NBAS: variants seen among roughly 807,000 people sequenced by gnomAD.
The protein encoded by NBAS is NAG/BC035112 fusion.
A neutral mutation model predicts 302.5 loss-of-function variants in NBAS; 219 were observed. The observed-to-expected ratio is 0.72, with a 90% confidence interval of 0.65 to 0.81. The LOEUF is 0.81. NBAS is among the 30% of genes least tolerant of loss of function. The probability of loss-of-function intolerance (pLI) is 0.00; values close to 1 mark genes in which losing one functional copy is unlikely to be tolerated. For synonymous variants in NBAS, 1,118 were observed against 1,021.6 expected (o/e 1.09, Z -1.80); for missense variants, 2,932 against 2,841.6 (o/e 1.03, Z -0.72).
At chr2:15,151,415 A>G in the NBAS span, among the ~76,000 whole-genome samples, 1 of 152,224 alleles carries the variant, frequency 6.6e-6, no homozygotes, top group Non-Finnish European at 1.5e-5. Flanking sequence ...CTTGGCATCA[A>G]TGTAAATGAA....
chr2:15,072,748 T>G, the NBAS span, among the ~76,000 whole-genome samples: 2 of 152,172 alleles, frequency 1.3e-5, no homozygotes, highest in Non-Finnish European at 2.9e-5. Context: ...ATAAGTATAT[T>G]TTCCCATTTT....
downstream of NBAS, chr2:15,166,874 A>G: frequency 1.2e-6 from 1 of 800,716 alleles, no homozygotes. Flanking sequence ...ACCACTCAGT[A>G]CAAGAAAGAA....
At chr2:15,012,772 A>ACTGT in the NBAS span, among the ~76,000 whole-genome samples, 35 of 152,206 alleles carry the variant, frequency 2.3e-4, no homozygotes, top group African/African-American at 8.0e-4. Flanking sequence ...GAAAAAGAAA[A>ACTGT]CTGTCAACCA....
intron 21 of NBAS, among the ~76,000 whole-genome samples, chr2:15,454,338 T>C (rs984704311): frequency 2.6e-5 from 4 of 152,052 alleles, no homozygotes; most frequent in African/African-American, 9.7e-5. Context: ...ATATTAAAAG[T>C]AATGAAGTCT....
chr2:15,123,551 T>A, the NBAS span, among the ~76,000 whole-genome samples: 1 of 152,122 alleles, frequency 6.6e-6, no homozygotes, highest in Non-Finnish European at 1.5e-5. Flanking sequence ...TGGGGGCAGA[T>A]CCCTCATGAA....
At chr2:14,831,712 C>T in the NBAS span, among the ~76,000 whole-genome samples, 2 of 152,140 alleles carry the variant, frequency 1.3e-5, no homozygotes, top group Admixed American at 6.6e-5. Context: ...CTCTACTACC[C>T]GCCAATAGTA....
At chr2:15,377,566 C>T (rs539775609) in intron 30 of NBAS, among the ~76,000 whole-genome samples, 32 of 152,312 alleles carry the variant, frequency 2.1e-4, no homozygotes, top group African/African-American at 7.7e-4. Context: ...GATGACTGGC[C>T]CAAGGTCACA....
chr2:15,216,296 G>A (rs985001426), intron 48 of NBAS, among the ~76,000 whole-genome samples: 3 of 152,138 alleles, frequency 2.0e-5, no homozygotes, highest in Admixed American at 2.0e-4. Flanking sequence ...AAAGCAGAGA[G>A]GCGAGAAAAC....
At chr2:15,437,716 T>A (rs577236774) in intron 21 of NBAS, among the ~76,000 whole-genome samples, 1 of 152,220 alleles carries the variant, frequency 6.6e-6, no homozygotes, top group Non-Finnish European at 1.5e-5. Flanking sequence ...TTTAACTACA[T>A]AACATTCATT....
chr2:14,801,057 T>G, the NBAS span, among the ~76,000 whole-genome samples: 2 of 152,310 alleles, frequency 1.3e-5, no homozygotes, highest in African/African-American at 4.8e-5. Context: ...CTTTCAGTAC[T>G]TCTTTCAGCA....
At chr2:15,138,494 G>A in the NBAS span, among the ~76,000 whole-genome samples, 1 of 152,122 alleles carries the variant, frequency 6.6e-6, no homozygotes, top group Non-Finnish European at 1.5e-5. Context: ...ACTAGGACCT[G>A]AGCTCCGTGC....
chr2:15,077,276 TG>T, the NBAS span, among the ~76,000 whole-genome samples: 5 of 152,154 alleles, frequency 3.3e-5, no homozygotes, highest in African/African-American at 1.2e-4. Flanking sequence ...AAGAACAGCA[TG>T]GGGGAAACTG....
At chr2:14,940,175 C>T in the NBAS span, among the ~76,000 whole-genome samples, 1 of 152,156 alleles carries the variant, frequency 6.6e-6, no homozygotes, top group African/African-American at 2.4e-5. Flanking sequence ...CCTAAACAAA[C>T]GAGTTTCTTC....
chr2:14,918,873 T>A, the NBAS span, among the ~76,000 whole-genome samples: 311 of 151,412 alleles, frequency 2.1e-3, 5 homozygotes, highest in African/African-American at 7.3e-3. Context: ...AGAGGCAGAG[T>A]TGACATAGTG....
the NBAS span, among the ~76,000 whole-genome samples, chr2:14,900,674 T>C: frequency 1.5e-4 from 23 of 152,318 alleles, no homozygotes; most frequent in Non-Finnish European, 5.9e-5. Flanking sequence ...AGATGGGCAC[T>C]GGAGCATACA....
the NBAS span, among the ~76,000 whole-genome samples, chr2:14,833,885 A>T: frequency 1.3e-3 from 198 of 152,210 alleles, 1 homozygote; most frequent in Non-Finnish European, 2.5e-3. Context: ...CAAAATGATC[A>T]TCTGCTATTT....
the NBAS span, among the ~76,000 whole-genome samples, chr2:15,002,983 A>T: frequency 6.6e-6 from 1 of 152,248 alleles, no homozygotes; most frequent in African/African-American, 2.4e-5. Context: ...GGGGGCTCCC[A>T]CGGTGCAGCG....
chr2:15,303,895 C>T (rs1670917487), intron 40 of NBAS, among the ~76,000 whole-genome samples: 1 of 152,192 alleles, frequency 6.6e-6, no homozygotes. Flanking sequence ...CAGTTCTCTA[C>T]TTTGCTGCCA....
chr2:14,827,971 T>A, the NBAS span, among the ~76,000 whole-genome samples: 1 of 152,170 alleles, frequency 6.6e-6, no homozygotes, highest in Non-Finnish European at 1.5e-5. Flanking sequence ...ACTTTGAAAT[T>A]TTTTTAAAAA....
Sources: allele counts gnomAD v4.1 joint callset (sites outside exome capture counted in the v4.1 genomes callset), GRCh38; gene constraint gnomAD v4.1.1; transcripts MANE v1.5; gene names NCBI Gene and HGNC (gene_info 2026-07-23, HGNC 2026-07-21).